FLG: variants seen among roughly 807,000 people sequenced by gnomAD.
FLG encodes epidermal filaggrin.
Under a neutral mutation model 3.8 loss-of-function variants are expected in FLG, and 6 were observed. The observed-to-expected ratio is 1.60, with a 90% confidence interval of 0.87 to 3.15. The LOEUF is 3.15. Among genes scored for constraint, FLG ranks in the 30% most tolerant of loss-of-function variants. The pLI is 0.00. For synonymous variants in FLG, 2,551 were observed against 1,931.6 expected (o/e 1.32, Z -8.41); for missense variants, 7,595 against 5,050.9 (o/e 1.50, Z -15.27).
At position 152,304,509 on chromosome 1, in the gene FLG, G is replaced by A. The variant is rs1456835232; in HGVS notation, c.10377C>T (p.His3459=). Residue 3459 remains histidine, a synonymous_variant, in exon 3 of 3, where the codon CAC becomes CAT. Coordinates refer to ENST00000368799, the MANE Select transcript of FLG (RefSeq NM_002016.2). The stretch of plus-strand genomic sequence containing the variant: ...TGGTGTGGCTGTGATGGGACCCTGA[G>A]TGTCCAGACCTATCTACCGATTGCT... ...HYEQSVDRSG[H]SGSHHSHTTS... is the part of the protein sequence containing the mutation. The A allele has an allele frequency of 1.2e-6, 2 of 1,612,900 alleles. No individual in the cohort carries two copies. Among genetic ancestry groups the A allele is most frequent in the African/African-American group, 1.3e-5 (1 of 74,798 alleles).
chr1:152,313,068 T>TCC lies in FLG; in HGVS notation c.1816_1817dup (p.Gln607AspfsTer192). The stretch of plus-strand genomic sequence containing the variant: ...TACTTGTCCTGGGCCCCGATGATTG[T>TCC]CCCTGGCCCACCTGTGAGTGTCTAG... On this transcript the variant is annotated frameshift_variant, in exon 3 of 3. Coordinates refer to ENST00000368799, the MANE Select transcript of FLG (RefSeq NM_002016.2). LOFTEE classifies it low-confidence loss of function (END_TRUNC). The TCC allele has an allele frequency of 6.2e-7, 1 of 1,613,958 alleles. No individual in the cohort carries two copies. The highest frequency in any genetic ancestry group is 2.2e-5 in the East Asian group (1 of 44,844).
chr1:152,316,841 T>C (rs1652804263), intron 1 of FLG, among the ~76,000 whole-genome samples: 1 of 152,146 alleles, frequency 6.6e-6, no homozygotes, highest in African/African-American at 2.4e-5. Flanking sequence ...TCTCCCCAAA[T>C]GCCCCTTGGA....
In FLG at chr1:152,307,473, T is replaced by C; in HGVS notation, c.7413A>G (p.Gly2471=). The C allele has an allele frequency of 6.2e-7, 1 of 1,613,134 alleles. No homozygotes were observed. Among genetic ancestry groups the C allele is most frequent in the Non-Finnish European group, 8.5e-7 (1 of 1,179,684 alleles). ...TIHGHPGSSS[G]GRQGSHYEQL... ...GCTCGTAGTGGGATCCCTGCCTTCC[T>C]CCACTGCTTGACCCCGGGTGTCCAT... is the stretch of plus-strand genomic sequence containing the variant. The change falls in exon 3 of 3, where the codon GGA becomes GGG. Residue 2471 remains glycine (G), a synonymous_variant. Transcript: ENST00000368799.
rs1651808507 is a variant in FLG at position 152,304,532 on chromosome 1, G to A, written c.10354C>T (p.Gln3452Ter). Residue 3452 changes from glutamine (Q) to a stop codon, truncating the protein, a stop_gained, in exon 3 of 3, where the codon CAA becomes TAA. Coordinates refer to ENST00000368799, the MANE Select transcript of FLG (RefSeq NM_002016.2). LOFTEE classifies it low-confidence loss of function (END_TRUNC). ...RRGRQGSHYE[Q>*]SVDRSGHSGS... is the part of the protein sequence containing the mutation. ...GAGTGTCCAGACCTATCTACCGATT[G>A]CTCGTAGTGGGATCCCTGCCTTCCT... is the stretch of plus-strand genomic sequence containing the variant. 5 of 1,611,936 alleles carry A rather than the reference G, an allele frequency of 3.1e-6. No homozygotes were observed. The Admixed American group carries it at 5.0e-5, about 16-fold the overall frequency.
At position 152,311,402 on chromosome 1, in the gene FLG, G is replaced by C. The variant is rs76017272; in HGVS notation, c.3484C>G (p.Gln1162Glu). 5 of 1,613,592 alleles carry C rather than the reference G, an allele frequency of 3.1e-6. No individual in the cohort carries two copies. The highest frequency in any genetic ancestry group is 3.4e-6 in the Non-Finnish European group (4 of 1,179,918). Residue 1162 changes from glutamine to glutamate, a missense_variant, in exon 3 of 3, where the codon CAG becomes GAG. Physicochemically the swap from Gln to Glu is conservative, Grantham distance 29. Coordinates refer to ENST00000368799, the MANE Select transcript of FLG (RefSeq NM_002016.2). Reference sequence around the variant, plus strand: ...CCCGGGTGTGCACGAATGGTGTCCTGACCCTCTTGGGACGCTGAGTGCCTG... The same window carrying C: ...CCCGGGTGTGCACGAATGGTGTCCTCACCCTCTTGGGACGCTGAGTGCCTG... The part of the protein sequence containing the change: ...SSRHSASQEG[Q>E]DTIRAHPGSR...
At position 152,303,392 on chromosome 1, in the gene FLG, C is replaced by T. The variant is rs139279364; in HGVS notation, c.11494G>A (p.Glu3832Lys). The T allele has an allele frequency of 2.0e-4, 320 of 1,614,006 alleles. No homozygotes were observed. Among genetic ancestry groups the T allele is most frequent in the Non-Finnish European group, 2.5e-4 (297 of 1,180,032 alleles). The change falls in exon 3 of 3, where the codon GAA (glutamate) becomes AAA (lysine). Residue 3832 changes from glutamate to lysine, a missense_variant. Physicochemically the swap from Glu to Lys is moderately conservative, Grantham distance 56. Transcript: ENST00000368799. ...GAGCTGTCAGCCTGAGTGGAAGCTT[C>T]ATGGTGACGCGACCCTGAGTGCCTG... is the stretch of plus-strand genomic sequence containing the variant. ...GSRHSGSRHH[E>K]ASTQADSSRH...
In FLG at chr1:152,308,670, G is replaced by A; in HGVS notation, c.6216C>T (p.His2072=). 1.2e-6 allele frequency: 2 copies of A among 1,614,160 alleles called. No individual in the cohort carries two copies. The highest frequency in any genetic ancestry group is 1.3e-5 in the African/African-American group (1 of 75,046). Residue 2072 remains histidine, a synonymous_variant, in exon 3 of 3, where the codon CAC becomes CAT. Transcript: ENST00000368799. ...CTGACTGGCCACGTGCGGACTCTTTGTGGCTCTGCTGATGGGGCCCAGCTT... is the reference window on the plus strand; with the variant it reads ...CTGACTGGCCACGTGCGGACTCTTTATGGCTCTGCTGATGGGGCCCAGCTT... ...QGKAGPHQQS[H]KESARGQSGE...
At position 152,303,692 on chromosome 1, in the gene FLG, C is replaced by T. The variant is rs377441209; in HGVS notation, c.11194G>A (p.Gly3732Arg). The T allele has an allele frequency of 6.2e-7, 1 of 1,614,072 alleles. No individual in the cohort carries two copies. The highest frequency in any genetic ancestry group is 1.3e-5 in the African/African-American group (1 of 75,028). Reference protein sequence around the residue: ...SAHGRAGPSTGGRQGSRHEQA... With the variant: ...SAHGRAGPSTRGRQGSRHEQA... The stretch of plus-strand genomic sequence containing the variant: ...TCGTGGCGGGATCCTTGTCTTCCTC[C>T]AGTACTGGGCCCAGCCCGTCCATGG... The change falls in exon 3 of 3, where the codon GGA becomes AGA. Residue 3732 changes from glycine (G) to arginine (R), a missense_variant. Gly to Arg is a moderately radical substitution (Grantham distance 125). Transcript: ENST00000368799.
At position 152,313,984 on chromosome 1, in the gene FLG, C is replaced by G. The variant is rs150676014; in HGVS notation, c.902G>C (p.Arg301Thr). 13 of 1,614,092 alleles carry G rather than the reference C, an allele frequency of 8.1e-6. No individual in the cohort carries two copies. The African/African-American group carries it at 1.7e-4, about 22-fold the overall frequency. ...GTCTTCTGAGTGTCCCTCACTGTCC[C>G]TGTCCTGGCTAACTCTGGATCCCCT... ...KRRGSRVSQD[R>T]DSEGHSEDSE... The change falls in exon 3 of 3, where the codon AGG becomes ACG. Residue 301 changes from arginine to threonine, a missense_variant. Arg to Thr is a moderately conservative substitution (Grantham distance 71, BLOSUM62 -1). Transcript: ENST00000368799.
At position 152,312,367 on chromosome 1, in the gene FLG, G is replaced by T. The variant is rs368121208; in HGVS notation, c.2519C>A (p.Thr840Asn). 2 of 1,612,462 alleles carry T rather than the reference G, an allele frequency of 1.2e-6. No homozygotes were observed. The highest frequency in any genetic ancestry group is 2.2e-5 in the South Asian group (2 of 90,966). The change falls in exon 3 of 3, where the codon ACC becomes AAC. Residue 840 changes from threonine (T) to asparagine (N), a missense_variant. By Grantham distance (65) the Thr-to-Asn change is moderately conservative. Transcript: ENST00000368799. ...GCTTGACCCCGGGTGTCCACGAATG[G>T]TGTCCTGACCATCTTGGGATGCTGA... ...RHSASQDGQD[T>N]IRGHPGSSRR...
Position 152,307,530 on chromosome 1 carries a change from G to A in FLG, c.7356C>T (p.His2452=), listed in dbSNP as rs759577777. The A allele has an allele frequency of 1.9e-6, 3 of 1,613,764 alleles. No homozygotes were observed. Among genetic ancestry groups the A allele is most frequent in the Non-Finnish European group, 2.5e-6 (3 of 1,179,954 alleles). ...HHKQARDSSR[H]STSQEGQDTI... ...TGTCCTGACCCTCTTGGGACGTTGA[G>A]TGCCTGGAGCTGTCTCGTGCCTGCT... The change falls in exon 3 of 3, where the codon CAC becomes CAT. Residue 2452 remains histidine, a synonymous_variant. Transcript: ENST00000368799.
At position 152,307,522 on chromosome 1, in the gene FLG, G is replaced by C; in HGVS notation, c.7364C>G (p.Ser2455Cys). 2 of 1,613,492 alleles carry C rather than the reference G, an allele frequency of 1.2e-6. No homozygotes were observed. The highest frequency in any genetic ancestry group is 1.7e-6 in the Non-Finnish European group (2 of 1,179,804). Residue 2455 changes from serine (S) to cysteine (C), a missense_variant, in exon 3 of 3, where the codon TCC becomes TGC. Physicochemically the swap from Ser to Cys is moderately radical, Grantham distance 112. Coordinates refer to ENST00000368799, the MANE Select transcript of FLG (RefSeq NM_002016.2). ...QARDSSRHST[S>C]QEGQDTIHGH... ...ATGAATGGTGTCCTGACCCTCTTGG[G>C]ACGTTGAGTGCCTGGAGCTGTCTCG...
In FLG at chr1:152,307,976, T is replaced by A. The variant is rs758969105; in HGVS notation, c.6910A>T (p.Thr2304Ser). 6.2e-7 allele frequency: 1 copy of A among 1,614,024 alleles called. No individual in the cohort carries two copies. Among genetic ancestry groups the A allele is most frequent in the Admixed American group, 1.7e-5 (1 of 60,002 alleles). Residue 2304 changes from threonine to serine, a missense_variant, in exon 3 of 3, where the codon ACT (threonine) becomes TCT (serine). By Grantham distance (58) the Thr-to-Ser change is moderately conservative. Transcript: ENST00000368799. ...CCAGAGGAATTCTCTGCATGATGAG[T>A]GCCTGATTGTCTGGAGCTCTCTGCA... ...HSAESSRQSG[T>S]HHAENSSGGQ... is the part of the protein sequence containing the mutation.
Position 152,312,781 on chromosome 1 carries a change from G to C in FLG, c.2105C>G (p.Ser702Ter), listed in dbSNP as rs1652549709. 6.2e-7 allele frequency: 1 copy of C among 1,613,868 alleles called. No individual in the cohort carries two copies. The highest frequency in any genetic ancestry group is 8.5e-7 in the Non-Finnish European group (1 of 1,180,026). ...QAASSHEQAR[S>*]SAGERHGSRH... Reference sequence around the variant, plus strand: ...GGATCCATGTCTTTCTCCTGCACTTGATCTTGCCTGTTCATGGGATGACGC... The same window carrying C: ...GGATCCATGTCTTTCTCCTGCACTTCATCTTGCCTGTTCATGGGATGACGC... The change falls in exon 3 of 3, where the codon TCA (serine) becomes TGA (stop). Residue 702 changes from serine (S) to a stop codon, truncating the protein, a stop_gained. Transcript: ENST00000368799. LOFTEE classifies it low-confidence loss of function (END_TRUNC).
chr1:152,309,836 G>C lies in FLG; in HGVS notation c.5050C>G (p.Arg1684Gly), dbSNP rs766130240. The change falls in exon 3 of 3, where the codon CGC (arginine) becomes GGC (glycine). Residue 1684 changes from arginine (R) to glycine (G), a missense_variant. Arg to Gly is a moderately radical substitution (Grantham distance 125). Transcript: ENST00000368799. ...GAGCTGTCTGCTGACTGCTGGTGGCGGGATCCATGTCTTTCTCCTGGACTT... is the reference window on the plus strand; with the variant it reads ...GAGCTGTCTGCTGACTGCTGGTGGCCGGATCCATGTCTTTCTCCTGGACTT... Reference protein sequence around the residue: ...RSSPGERHGSRHQQSADSSTD... With the variant: ...RSSPGERHGSGHQQSADSSTD... 1 of 1,613,956 alleles carries C rather than the reference G, an allele frequency of 6.2e-7. No individual in the cohort carries two copies. The highest frequency in any genetic ancestry group is 1.3e-5 in the African/African-American group (1 of 74,876).
At position 152,308,176 on chromosome 1, in the gene FLG, C is replaced by T. The variant is rs143938495; in HGVS notation, c.6710G>A (p.Arg2237Lys). Residue 2237 changes from arginine to lysine, a missense_variant, in exon 3 of 3, where the codon AGG becomes AAG. By Grantham distance (26) the Arg-to-Lys change is conservative. Coordinates refer to ENST00000368799, the MANE Select transcript of FLG (RefSeq NM_002016.2). ...CTGGCTAACACTGGATCCCCGGGGC[C>T]TGCTTGTCCTGGGCCCTGATGATTG... ...QGQSSGPRTS[R>K]PRGSSVSQDS... The T allele has an allele frequency of 6.2e-7, 1 of 1,614,012 alleles. No homozygotes were observed. The highest frequency in any genetic ancestry group is 1.1e-5 in the South Asian group (1 of 91,062).
chr1:152,311,661 C>G lies in FLG; in HGVS notation c.3225G>C (p.Glu1075Asp), dbSNP rs1318857377. The change falls in exon 3 of 3, where the codon GAG becomes GAC. Residue 1075 changes from glutamate (E) to aspartate (D), a missense_variant. Coordinates refer to ENST00000368799, the MANE Select transcript of FLG (RefSeq NM_002016.2). ...GTGTGTCTGACTCCTCTGAATGTCC[C>G]TCACTATCACTGGCCTGACTACCAC... ...GSSGSQASDS[E>D]GHSEESDTQS... 6.2e-7 allele frequency: 1 copy of G among 1,613,988 alleles called. No individual in the cohort carries two copies. Among genetic ancestry groups the G allele is most frequent in the African/African-American group, 1.3e-5 (1 of 74,920 alleles).
rs1250526484 is a variant in FLG at position 152,313,630 on chromosome 1, C to G, written c.1256G>C (p.Gly419Ala). 2 of 1,613,422 alleles carry G rather than the reference C, an allele frequency of 1.2e-6. No homozygotes were observed. The highest frequency in any genetic ancestry group is 1.3e-5 in the African/African-American group (1 of 74,722). The part of the protein sequence containing the change: ...VSDRGHRGSS[G>A]SQASDSEGHS... Reference sequence around the variant, plus strand: ...TCCCTCACTGTCACTGGCCTGACTACCGCTAGACCCCCGGTGTCCACGATC... The same window carrying G: ...TCCCTCACTGTCACTGGCCTGACTAGCGCTAGACCCCCGGTGTCCACGATC... Residue 419 changes from glycine to alanine, a missense_variant, in exon 3 of 3, where the codon GGT (glycine) becomes GCT (alanine). Physicochemically the swap from Gly to Ala is moderately conservative, Grantham distance 60. Coordinates refer to ENST00000368799, the MANE Select transcript of FLG (RefSeq NM_002016.2).
chr1:152,313,191 T>C lies in FLG; in HGVS notation c.1695A>G (p.Arg565=). Residue 565 remains arginine, a synonymous_variant, in exon 3 of 3, where the codon AGA becomes AGG. Coordinates refer to ENST00000368799, the MANE Select transcript of FLG (RefSeq NM_002016.2). ...SDASHGQSGS[R]SASRQTRNEE... The stretch of plus-strand genomic sequence containing the variant: ...CATTTCGTGTTTGTCTGCTTGCACT[T>C]CTGGATCCTGACTGCCCATGGGAGG... The C allele has an allele frequency of 6.2e-7, 1 of 1,613,884 alleles. No homozygotes were observed. The highest frequency in any genetic ancestry group is 1.6e-4 in the Middle Eastern group (1 of 6,062).
Sources: gnomAD v4.1 joint callset for allele counts (sites outside exome capture counted in the v4.1 genomes callset) on GRCh38, gnomAD v4.1.1 for gene constraint, MANE v1.5 for transcripts, NCBI Gene and HGNC (gene_info 2026-07-23, HGNC 2026-07-21) for gene names.